Variants in DCC observed in about 807,000 individuals in gnomAD.
DCC encodes the protein DCC netrin 1 receptor, also known as netrin receptor DCC.
Under a neutral mutation model 172.5 loss-of-function variants are expected in DCC, and 58 were observed. That is an observed-to-expected ratio of 0.34 (90% confidence interval 0.27 to 0.42). The LOEUF is 0.42. Among genes scored for constraint, DCC ranks in the 10% least tolerant of loss-of-function variants. DCC has a pLI of 1.00. For missense variants in DCC, 1,740 were observed against 1,791.0 expected (o/e 0.97, Z 0.51); for synonymous variants, 709 against 644.5 (o/e 1.10, Z -1.52).
intron 2 of DCC, among the ~76,000 whole-genome samples, chr18:52,780,745 C>T (rs956451390): frequency 6.6e-6 from 1 of 152,120 alleles, no homozygotes; most frequent in African/African-American, 2.4e-5. Context: ...GGCAGACCAC[C>T]TGTCACGTGA....
chr18:52,761,187 G>A (rs2037154484), intron 2 of DCC, among the ~76,000 whole-genome samples: 2 of 152,160 alleles, frequency 1.3e-5, no homozygotes. Flanking sequence ...ATGGTGGCAG[G>A]CAAAGAGAGA....
intron 2 of DCC, among the ~76,000 whole-genome samples, chr18:52,801,677 C>T (rs1339231438): frequency 4.6e-5 from 7 of 152,164 alleles, no homozygotes; most frequent in South Asian, 4.1e-4. Flanking sequence ...TTATAAGCCA[C>T]GTTCAAATTT....
intron 2 of DCC, among the ~76,000 whole-genome samples, chr18:52,841,849 A>G (rs1326357711): frequency 6.6e-6 from 1 of 152,086 alleles, no homozygotes; most frequent in African/African-American, 2.4e-5. Context: ...CCATAAGGCA[A>G]TGTTTCTGGA....
At chr18:52,536,892 T>C (rs1378531140) in intron 1 of DCC, among the ~76,000 whole-genome samples, 1 of 152,238 alleles carries the variant, frequency 6.6e-6, no homozygotes, top group African/African-American at 2.4e-5. Flanking sequence ...AGTTCTGTAT[T>C]GTGGCCAATT....
At position 53,428,214 on chromosome 18, in the gene DCC, A is replaced by C. The variant is rs1269969611; in HGVS notation, c.3164-6930A>C. Among the ~76,000 whole-genome samples, 4 of 37,476 alleles carry C rather than the reference A, an allele frequency of 1.1e-4. 2 individuals are homozygous for C. Among genetic ancestry groups the C allele is most frequent in the Non-Finnish European group, 2.4e-4 (4 of 16,916 alleles). The allele number at this position is 37,476 out of a possible 152,430, so 24.6% of individuals were successfully genotyped here. A position where few individuals can be genotyped will look rare whatever the true frequency, so the allele number is the denominator to read the frequency against. On this transcript the variant is annotated intron_variant, in intron 21 of 28. Coordinates refer to ENST00000442544, the MANE Select transcript of DCC (RefSeq NM_005215.4). ...AGAATATATAATATTATATATAAGT[A>C]TATATAATTATAATTATATATATAA...
chr18:52,870,320 C>T (rs1395237066), intron 2 of DCC, among the ~76,000 whole-genome samples: 1 of 152,122 alleles, frequency 6.6e-6, no homozygotes, highest in East Asian at 1.9e-4. Context: ...CACAGGGGAC[C>T]CATCAGTGCC....
intron 5 of DCC, among the ~76,000 whole-genome samples, chr18:52,965,880 G>T (rs1052616733): frequency 2.6e-5 from 4 of 152,040 alleles, no homozygotes; most frequent in Non-Finnish European, 4.4e-5. Flanking sequence ...TTAAATCTCA[G>T]TGCAATATAC....
chr18:52,529,068 C>A (rs2032068481), intron 1 of DCC, among the ~76,000 whole-genome samples: 1 of 152,098 alleles, frequency 6.6e-6, no homozygotes. Flanking sequence ...CTGACTGTGA[C>A]AATTAGACGT....
In DCC at chr18:53,397,326, C is replaced by T. The variant is rs1159015822; in HGVS notation, c.2707C>T (p.Leu903=). 10 of 1,613,734 alleles carry T rather than the reference C, an allele frequency of 6.2e-6. No homozygotes were observed. Among genetic ancestry groups the T allele is most frequent in the Non-Finnish European group, 8.5e-6 (10 of 1,179,814 alleles). ...AKYKSEDTTS[L]SYTATGLKPN... ...TGTATAGTCAGAAGACACAACATCT[C>T]TAAGTTACACAGCAACAGGCCTCAA... Residue 903 remains leucine, a synonymous_variant, in exon 18 of 29, where the codon CTA becomes TTA. Transcript: ENST00000442544.
chr18:53,524,858 C>G (rs1004205381), intron 27 of DCC, among the ~76,000 whole-genome samples: 1 of 151,950 alleles, frequency 6.6e-6, no homozygotes, highest in East Asian at 1.9e-4. Flanking sequence ...CCTAAATGTG[C>G]GAACTTAGGC....
intron 15 of DCC, among the ~76,000 whole-genome samples, chr18:53,376,356 C>A (rs899035729): frequency 1.3e-5 from 2 of 151,988 alleles, no homozygotes; most frequent in African/African-American, 4.8e-5. Flanking sequence ...TGAACTCTAG[C>A]CCCGGCGAGT....
intron 25 of DCC, among the ~76,000 whole-genome samples, chr18:53,474,238 G>A (rs2045734161): frequency 6.6e-6 from 1 of 151,958 alleles, no homozygotes; most frequent in Non-Finnish European, 1.5e-5. Context: ...TACAATAGAT[G>A]AATATAGTAT....
At chr18:52,927,131 A>ATATACACGTG in intron 5 of DCC, among the ~76,000 whole-genome samples, 1 of 70,502 alleles carries the variant, frequency 1.4e-5, no homozygotes, top group African/African-American at 4.9e-5. Flanking sequence ...ATATACACGT[A>ATATACACGTG]TATACGTGTA....
chr18:52,782,642 C>T (rs921057520), intron 2 of DCC, among the ~76,000 whole-genome samples: 2 of 152,072 alleles, frequency 1.3e-5, no homozygotes, highest in East Asian at 3.9e-4. Flanking sequence ...GTGCATCTTT[C>T]TTCCTCCATG....
chr18:52,924,765 CAAG>C (rs906208630), intron 4 of DCC, among the ~76,000 whole-genome samples: 5 of 152,024 alleles, frequency 3.3e-5, no homozygotes, highest in African/African-American at 1.2e-4. Context: ...TTAGAACACA[CAAG>C]AAATCCAGTT....
At chr18:53,244,017 A>T (rs933970905) in intron 12 of DCC, among the ~76,000 whole-genome samples, 11 of 152,242 alleles carry the variant, frequency 7.2e-5, no homozygotes, top group Non-Finnish European at 1.5e-4. Flanking sequence ...GAAAAATATG[A>T]GTTTGCTTCT....
intron 12 of DCC, among the ~76,000 whole-genome samples, chr18:53,263,324 A>G (rs961041399): frequency 1.3e-5 from 2 of 151,644 alleles, no homozygotes; most frequent in Non-Finnish European, 2.9e-5. Flanking sequence ...GCTAATTTTT[A>G]TATTTTTAGT....
chr18:53,283,543 T>C (rs901538949), intron 12 of DCC, among the ~76,000 whole-genome samples: 3 of 152,154 alleles, frequency 2.0e-5, no homozygotes, highest in Non-Finnish European at 2.9e-5. Flanking sequence ...TACATAGAAA[T>C]AAAAACCTGA....
chr18:53,026,480 T>C (rs532196474), intron 5 of DCC, among the ~76,000 whole-genome samples: 2 of 152,296 alleles, frequency 1.3e-5, no homozygotes, highest in South Asian at 4.1e-4. Context: ...CTGCTTTCCC[T>C]TTAGAAAATG....
Sources: gnomAD v4.1 joint callset for allele counts (sites outside exome capture counted in the v4.1 genomes callset) on GRCh38, gnomAD v4.1.1 for gene constraint, MANE v1.5 for transcripts, NCBI Gene and HGNC (gene_info 2026-07-23, HGNC 2026-07-21) for gene names.